LOC400499: variants seen among roughly 807,000 people sequenced by gnomAD.
chr16:11,491,111 T>C, the LOC400499 span, among the ~76,000 whole-genome samples: 1 of 151,950 alleles, frequency 6.6e-6, no homozygotes, highest in Non-Finnish European at 1.5e-5. Flanking sequence ...GGTACAGAAA[T>C]GGAGGCTCAC....
chr16:11,495,614 A>G, the LOC400499 span, among the ~76,000 whole-genome samples: 3 of 152,084 alleles, frequency 2.0e-5, no homozygotes, highest in Admixed American at 6.6e-5. Flanking sequence ...CCCTGACCTC[A>G]AGTGATCTGC....
chr16:11,446,342 G>T, the LOC400499 span, among the ~76,000 whole-genome samples: 1 of 151,708 alleles, frequency 6.6e-6, no homozygotes, highest in Non-Finnish European at 1.5e-5. Context: ...TTCTTTTGTA[G>T]AAACAGGGTT....
At chr16:11,449,979 T>C in the LOC400499 span, among the ~76,000 whole-genome samples, 1 of 152,220 alleles carries the variant, frequency 6.6e-6, no homozygotes. Context: ...TCTCCTGTCT[T>C]GGCATCCTCT....
chr16:11,425,400 A>G, the LOC400499 span: 1 of 399,324 alleles, frequency 2.5e-6, no homozygotes. Context: ...GAGGAAGCCC[A>G]GCACAGCTGA....
the LOC400499 span, among the ~76,000 whole-genome samples, chr16:11,436,579 AG>A: frequency 6.6e-6 from 1 of 151,526 alleles, no homozygotes; most frequent in East Asian, 1.9e-4. Context: ...TCACAGGAAA[AG>A]TTTTTTTTTT....
At chr16:11,493,768 TTGCCGAC>T in the LOC400499 span, 1 of 391,724 alleles carries the variant, frequency 2.6e-6, no homozygotes, top group East Asian at 3.6e-5. Context: ...CAAGCCCGCG[TTGCCGAC>T]TGCCTTCAGC....
At chr16:11,467,471 G>A in the LOC400499 span, among the ~76,000 whole-genome samples, 1 of 151,754 alleles carries the variant, frequency 6.6e-6, no homozygotes, top group African/African-American at 2.4e-5. Context: ...AAGAAGCCAA[G>A]CATGGTGGCA....
At chr16:11,430,843 G>C in the LOC400499 span, among the ~76,000 whole-genome samples, 1 of 152,198 alleles carries the variant, frequency 6.6e-6, no homozygotes, top group Non-Finnish European at 1.5e-5. Context: ...TTAGTGAGCA[G>C]ATTTTCTTTG....
At chr16:11,488,488 T>A in the LOC400499 span, among the ~76,000 whole-genome samples, 1 of 152,180 alleles carries the variant, frequency 6.6e-6, no homozygotes, top group Non-Finnish European at 1.5e-5. Flanking sequence ...GGTGCAATCA[T>A]GACTCACTGC....
the LOC400499 span, chr16:11,372,657 T>C: frequency 1.5e-5 from 11 of 737,148 alleles, no homozygotes; most frequent in African/African-American, 1.9e-5. Flanking sequence ...AATCTTGTCA[T>C]TGTCAGGGAG....
the LOC400499 span, chr16:11,391,822 G>A: frequency 4.1e-6 from 5 of 1,232,282 alleles, no homozygotes; most frequent in Non-Finnish European, 5.1e-6. Flanking sequence ...AGCTGCAGAA[G>A]GAGGCCTGCC....
chr16:11,488,820 C>T, the LOC400499 span: 9 of 398,706 alleles, frequency 2.3e-5, no homozygotes, highest in South Asian at 1.3e-4. Flanking sequence ...TTCAGGGGGT[C>T]GTGCGTCTCC....
chr16:11,389,685 CAAA>C, the LOC400499 span, among the ~76,000 whole-genome samples: 17 of 59,056 alleles, frequency 2.9e-4, no homozygotes, highest in African/African-American at 7.6e-4. Flanking sequence ...AACTCCATCT[CAAA>C]AAAAAAAAAA....
At chr16:11,498,040 A>C in the LOC400499 span, among the ~76,000 whole-genome samples, 39 of 152,304 alleles carry the variant, frequency 2.6e-4, no homozygotes, top group African/African-American at 8.9e-4. Flanking sequence ...CATCATGCTC[A>C]AACCAACCCT....
chr16:11,420,432 G>A, the LOC400499 span, among the ~76,000 whole-genome samples: 1 of 138,012 alleles, frequency 7.2e-6, no homozygotes, highest in African/African-American at 2.7e-5. Context: ...CATCACACTC[G>A]GGGGACTGTT....
chr16:11,447,422 C>T, the LOC400499 span, among the ~76,000 whole-genome samples: 55 of 152,194 alleles, frequency 3.6e-4, no homozygotes, highest in African/African-American at 1.3e-3. Flanking sequence ...TTCCATGTGC[C>T]CAGAAGAGCA....
the LOC400499 span, among the ~76,000 whole-genome samples, chr16:11,452,546 G>C: frequency 1.3e-5 from 2 of 152,252 alleles, no homozygotes; most frequent in Non-Finnish European, 2.9e-5. Context: ...CCCTCAAAGT[G>C]AATGGGGATG....
At chr16:11,412,956 G>A in the LOC400499 span, 10 of 399,302 alleles carry the variant, frequency 2.5e-5, no homozygotes, top group African/African-American at 1.4e-4. Context: ...AACACGAGCT[G>A]AGGAGGGAGC....
chr16:11,500,031 G>A, the LOC400499 span, among the ~76,000 whole-genome samples: 1 of 152,150 alleles, frequency 6.6e-6, no homozygotes, highest in Non-Finnish European at 1.5e-5. Flanking sequence ...AGAAATTATT[G>A]ACCTCATCTC....
Sources: allele counts gnomAD v4.1 joint callset (sites outside exome capture counted in the v4.1 genomes callset), GRCh38; gene constraint gnomAD v4.1.1; transcripts MANE v1.5.